The following CCSER1 variants were observed in gnomAD, a reference collection of about 807,000 sequenced individuals.
CCSER1 encodes the protein coiled-coil serine rich protein 1, also known as serine-rich coiled-coil domain-containing protein 1.
In CCSER1, 41 loss-of-function variants were observed where a neutral mutation model predicts 82.0. The observed-to-expected ratio is 0.50, with a 90% CI of 0.39 to 0.65. The LOEUF (loss-of-function observed/expected upper bound fraction) is 0.65, where lower values mean the gene tolerates loss of function less well. CCSER1 is among the 30% of genes least tolerant of loss of function. The pLI, the probability that CCSER1 is intolerant of heterozygous loss-of-function variation, is 0.00. For synonymous variants in CCSER1, 414 were observed against 383.9 expected (o/e 1.08, Z -0.92); for missense variants, 1,119 against 1,064.2 (o/e 1.05, Z -0.72).
chr4:91,537,208 A>G (rs1224408721), intron 10 of CCSER1, among the ~76,000 whole-genome samples: 1 of 152,096 alleles, frequency 6.6e-6, no homozygotes, highest in Non-Finnish European at 1.5e-5. Context: ...GAAGACATTG[A>G]GACTTGCTTA....
intron 1 of CCSER1, among the ~76,000 whole-genome samples, chr4:90,145,069 A>T (rs1212598040): frequency 6.6e-6 from 1 of 152,128 alleles, no homozygotes; most frequent in Non-Finnish European, 1.5e-5. Context: ...ACTTCCAGGT[A>T]TCAAGTATTA....
chr4:91,203,928 G>T (rs1209395845), intron 10 of CCSER1, among the ~76,000 whole-genome samples: 2 of 151,938 alleles, frequency 1.3e-5, no homozygotes, highest in African/African-American at 2.4e-5. Context: ...ATATGTTTAT[G>T]AAGTAATAGT....
At chr4:91,137,790 AACAG>A (rs1367888653) in intron 10 of CCSER1, among the ~76,000 whole-genome samples, 2 of 151,858 alleles carry the variant, frequency 1.3e-5, no homozygotes, top group Non-Finnish European at 2.9e-5. Context: ...ATACACCAAC[AACAG>A]ACAAACAGAG....
chr4:91,454,276 T>A (rs75068096), intron 10 of CCSER1, among the ~76,000 whole-genome samples: 1 of 152,068 alleles, frequency 6.6e-6, no homozygotes, highest in Non-Finnish European at 1.5e-5. Flanking sequence ...ACAAAGGCTC[T>A]GAGGAGAGAA....
At chr4:90,706,049 C>T (rs1224803106) in intron 6 of CCSER1, among the ~76,000 whole-genome samples, 3 of 152,152 alleles carry the variant, frequency 2.0e-5, no homozygotes, top group Non-Finnish European at 2.9e-5. Flanking sequence ...CAGAAATCGC[C>T]CATCTTCTGG....
At chr4:90,298,855 A>G (rs1201169773) in intron 1 of CCSER1, among the ~76,000 whole-genome samples, 2 of 152,078 alleles carry the variant, frequency 1.3e-5, no homozygotes, top group African/African-American at 2.4e-5. Flanking sequence ...ACCTTAGTAC[A>G]TGGAACCGTA....
At chr4:91,215,041 TTTAA>T (rs1737134111) in intron 10 of CCSER1, among the ~76,000 whole-genome samples, 1 of 152,198 alleles carries the variant, frequency 6.6e-6, no homozygotes, top group East Asian at 1.9e-4. Context: ...TTGTTTTTTC[TTTAA>T]TTATCAACAA....
At chr4:90,391,504 A>AT (rs1751126399) in intron 3 of CCSER1, among the ~76,000 whole-genome samples, 7 of 79,416 alleles carry the variant, frequency 8.8e-5, no homozygotes, top group South Asian at 9.3e-4. Flanking sequence ...ACAGTGGGTA[A>AT]ATATATATAT....
chr4:90,502,038 A>T (rs964499489), intron 5 of CCSER1, among the ~76,000 whole-genome samples: 3 of 152,236 alleles, frequency 2.0e-5, no homozygotes, highest in African/African-American at 7.2e-5. Context: ...ATATTTTACA[A>T]CATATAAAAT....
intron 10 of CCSER1, among the ~76,000 whole-genome samples, chr4:91,594,782 C>A (rs1392882761): frequency 4.6e-5 from 7 of 151,904 alleles, no homozygotes; most frequent in African/African-American, 1.2e-4. Context: ...TTTATTCATT[C>A]CATGTTACAC....
intron 5 of CCSER1, among the ~76,000 whole-genome samples, chr4:90,514,798 T>A (rs113996922): frequency 0.035 from 5,286 of 151,736 alleles, 333 homozygotes; most frequent in African/African-American, 0.12. Flanking sequence ...TATAATAATA[T>A]ATATGATTAC....
chr4:90,154,071 G>C lies in CCSER1; in HGVS notation c.-42+26240G>C, dbSNP rs375573414. On this transcript the variant is annotated intron_variant, in intron 1 of 10. Coordinates refer to ENST00000509176, the MANE Select transcript of CCSER1 (RefSeq NM_001145065.2). ...ATTTTTGTATAAGGTGTAAGGAAGG[G>C]ATCCAGTTTCAGCTTTCTACATATG... Among the ~76,000 whole-genome samples the C allele has an allele frequency of 3.0e-3, 450 of 150,156 alleles. 2 individuals are homozygous for C. Among genetic ancestry groups the C allele is most frequent in the Middle Eastern group, 6.8e-3 (2 of 294 alleles).
intron 5 of CCSER1, among the ~76,000 whole-genome samples, chr4:90,611,989 AAT>A (rs1291428093): frequency 6.6e-6 from 1 of 151,536 alleles, no homozygotes; most frequent in Non-Finnish European, 1.5e-5. Context: ...ACTCTTTCTT[AAT>A]ATATCTCTTT....
intron 9 of CCSER1, among the ~76,000 whole-genome samples, chr4:90,929,563 T>C (rs1486329694): frequency 1.3e-5 from 2 of 152,172 alleles, no homozygotes; most frequent in African/African-American, 4.8e-5. Flanking sequence ...TGCCACCAGG[T>C]CTTTAATTCT....
At chr4:90,435,571 C>T (rs868521517) in intron 4 of CCSER1, among the ~76,000 whole-genome samples, 2 of 152,114 alleles carry the variant, frequency 1.3e-5, no homozygotes, top group Middle Eastern at 3.4e-3. Context: ...CGTAACTTAC[C>T]ACTAGGCTAG....
rs369643100 is a variant in CCSER1 at position 90,309,454 on chromosome 4, C to T, written c.1170C>T (p.Ser390=). 6.8e-6 allele frequency: 11 copies of T among 1,613,654 alleles called. No individual in the cohort carries two copies. The African/African-American group carries it at 1.2e-4, about 18-fold the overall frequency. The part of the protein sequence containing the change: ...QNGETMLGTN[S]PRKLGFYEQH... ...GTGAAACAATGCTGGGGACAAACTC[C>T]CCAAGGAAACTTGGATTTTATGAGC... The change falls in exon 2 of 11, where the codon TCC becomes TCT. Residue 390 remains serine (S), a synonymous_variant. Coordinates refer to ENST00000509176, the MANE Select transcript of CCSER1 (RefSeq NM_001145065.2).
intron 6 of CCSER1, among the ~76,000 whole-genome samples, chr4:90,709,812 G>T (rs549247387): frequency 3.3e-5 from 5 of 152,216 alleles, no homozygotes; most frequent in African/African-American, 1.2e-4. Context: ...TAATGGGATT[G>T]CTGGTTCAAA....
chr4:90,551,251 CT>C (rs1430444567), intron 5 of CCSER1, among the ~76,000 whole-genome samples: 2 of 152,120 alleles, frequency 1.3e-5, no homozygotes, highest in Non-Finnish European at 2.9e-5. Flanking sequence ...CCCTATGGCT[CT>C]TAGTGTAAAG....
chr4:91,067,981 C>T (rs1054330600), intron 9 of CCSER1, among the ~76,000 whole-genome samples: 1 of 152,118 alleles, frequency 6.6e-6, no homozygotes, highest in African/African-American at 2.4e-5. Context: ...TACATCCTGG[C>T]TAACTTGTTA....
Sources: gnomAD v4.1 joint callset for allele counts (sites outside exome capture counted in the v4.1 genomes callset) on GRCh38, gnomAD v4.1.1 for gene constraint, MANE v1.5 for transcripts, NCBI Gene and HGNC (gene_info 2026-07-23, HGNC 2026-07-21) for gene names.